KIF11: variants seen among roughly 807,000 people sequenced by gnomAD.
KIF11 encodes the protein kinesin family member 11, also known as kinesin-like protein KIF11.
In KIF11, 9 loss-of-function variants were observed where a neutral mutation model predicts 121.0. The observed-to-expected ratio is 0.07, with a 90% CI of 0.04 to 0.13. KIF11 has a LOEUF of 0.13. Among genes scored for constraint, KIF11 ranks in the 10% least tolerant of loss-of-function variants. The pLI is 1.00. For synonymous variants in KIF11, 408 were observed against 421.0 expected, an observed-to-expected ratio of 0.97 and a Z score of 0.38; for missense variants, 846 against 1,217.5, an observed-to-expected ratio of 0.69 and a Z score of 4.54.
intron 10 of KIF11, among the ~76,000 whole-genome samples, chr10:92,626,180 G>A (rs1844674591): frequency 6.6e-6 from 1 of 152,070 alleles, no homozygotes; most frequent in Non-Finnish European, 1.5e-5. Flanking sequence ...TATACTACAG[G>A]GCTACAGTAA....
At chr10:92,649,766 T>C (rs1226714704) in intron 19 of KIF11, 69 bp from the exon 20 acceptor site, 13 of 1,063,818 alleles carry the variant, frequency 1.2e-5, no homozygotes, top group Non-Finnish European at 1.8e-5. Context: ...ATTAGGAAGT[T>C]TTAGGTTTTT....
At chr10:92,606,838 C>T (rs947575512) in intron 3 of KIF11, 122 bp downstream of exon 3, 14 of 695,208 alleles carry the variant, frequency 2.0e-5, no homozygotes, top group African/African-American at 1.4e-4. Context: ...AGTGCAATGG[C>T]GCGATCTCGG....
intron 9 of KIF11, among the ~76,000 whole-genome samples, chr10:92,620,494 CTAGATT>C (rs1006460491): frequency 2.6e-4 from 39 of 152,222 alleles, no homozygotes; most frequent in Middle Eastern, 3.4e-3. Flanking sequence ...TTATAAACTC[CTAGATT>C]TAAACTATTT....
chr10:92,635,929 C>A (rs1317191284), intron 14 of KIF11, among the ~76,000 whole-genome samples: 1 of 152,174 alleles, frequency 6.6e-6, no homozygotes, highest in East Asian at 1.9e-4. Flanking sequence ...TGTCAGTAGA[C>A]CTATAAGTAT....
At chr10:92,627,041 C>T (rs1267043681) in intron 10 of KIF11, among the ~76,000 whole-genome samples, 2 of 152,162 alleles carry the variant, frequency 1.3e-5, no homozygotes, top group Non-Finnish European at 2.9e-5. Flanking sequence ...GGATTACAGG[C>T]GTGAGCCACC....
At chr10:92,648,108 C>CAAAAAAAAAAAAAAAAAAAAAAA (rs34357393) in intron 18 of KIF11, 104 bp from the exon 19 acceptor site, 26 of 685,470 alleles carry the variant, frequency 3.8e-5, no homozygotes, top group African/African-American at 3.5e-4. Context: ...GACTTGTCTC[C>CAAAAAAAAAAAAAAAAAAAAAAA]AAAAAAAAAA....
At chr10:92,628,624 ATTTGTTC>A (rs1444230848) in intron 10 of KIF11, among the ~76,000 whole-genome samples, 177 bp from the exon 11 acceptor site, 1 of 152,204 alleles carries the variant, frequency 6.6e-6, no homozygotes, top group African/African-American at 2.4e-5. Flanking sequence ...AAGGAATATA[ATTTGTTC>A]TTTGTAATTT....
At position 92,648,342 on chromosome 10, in the gene KIF11, C is replaced by A. The variant is rs1473843928; in HGVS notation, c.2678C>A (p.Ala893Glu). Residue 893 changes from alanine to glutamate, a missense_variant, in exon 19 of 22, where the codon GCA (alanine) becomes GAA (glutamate). Transcript: ENST00000260731. ...QMTIDEDKLI[A>E]QNLELNETIK... is the part of the protein sequence containing the mutation. ...ACTATTGATGAAGATAAATTGATAG[C>A]ACAAAATCTAGAACTTAATGAAACC... 6.2e-7 allele frequency: 1 copy of A among 1,612,186 alleles called. No individual in the cohort carries two copies. Among genetic ancestry groups the A allele is most frequent in the Admixed American group, 1.7e-5 (1 of 59,950 alleles).
intron 1 of KIF11, among the ~76,000 whole-genome samples, chr10:92,604,714 C>T (rs79138869): frequency 0.013 from 1,982 of 152,088 alleles, 47 homozygotes; most frequent in African/African-American, 0.044. Context: ...AAATAATTTC[C>T]TGTTTGGCAC....
Position 92,654,154 on chromosome 10 carries a change from A to G in KIF11, c.*358A>G. On this transcript the variant is annotated 3_prime_UTR_variant, in exon 22 of 22. Transcript: ENST00000260731. ...TACACCACTACACTCCAGCCTGGGCAACAGAGCAAGACTCGGTCTCAAAAA... is the reference window on the plus strand; with the variant it reads ...TACACCACTACACTCCAGCCTGGGCGACAGAGCAAGACTCGGTCTCAAAAA... The G allele has an allele frequency of 6.0e-6, 1 of 166,098 alleles. No individual in the cohort carries two copies. Among genetic ancestry groups the G allele is most frequent in the South Asian group, 1.6e-4 (1 of 6,134 alleles). The allele number at this position is 166,098 out of a possible 1,614,324, so 10.3% of individuals were successfully genotyped here. A position where few individuals can be genotyped will look rare whatever the true frequency, so the allele number is the denominator to read the frequency against.
In KIF11 at chr10:92,607,205, A is replaced by G; in HGVS notation, c.355A>G (p.Arg119Gly). 6.2e-7 allele frequency: 1 copy of G among 1,607,354 alleles called. No homozygotes were observed. The highest frequency in any genetic ancestry group is 8.5e-7 in the Non-Finnish European group (1 of 1,174,480). The change falls in exon 4 of 22, where the codon AGG becomes GGG. Residue 119 changes from arginine (R) to glycine (G), a missense_variant. This residue lies in a region of KIF11 where 140 missense variants were observed against 193.5 expected (regional missense o/e 0.72). Coordinates refer to ENST00000260731, the MANE Select transcript of KIF11 (RefSeq NM_004523.4). ...AAAAACTTTTACAATGGAAGGTGAAAGGTCACCTAATGAAGAGTATACCTG... is the reference window on the plus strand; with the variant it reads ...AAAAACTTTTACAATGGAAGGTGAAGGGTCACCTAATGAAGAGTATACCTG... ...TGKTFTMEGERSPNEEYTWEE... is the reference protein window; with the variant it reads ...TGKTFTMEGEGSPNEEYTWEE...
chr10:92,651,541 T>G (rs1352085060), intron 21 of KIF11, among the ~76,000 whole-genome samples: 7 of 98,232 alleles, frequency 7.1e-5, no homozygotes, highest in Non-Finnish European at 1.2e-4. Context: ...TTTTTTTTTT[T>G]TTTTTTTAGT....
chr10:92,623,702 G>T (rs1277730282), intron 10 of KIF11, among the ~76,000 whole-genome samples: 2 of 152,150 alleles, frequency 1.3e-5, no homozygotes, highest in Non-Finnish European at 2.9e-5. Flanking sequence ...ACTAATGGAG[G>T]TGTTCTTTTT....
chr10:92,609,293 AGAGAGAGAGAGTGTGTGTGTGT>A (rs1449020572), intron 5 of KIF11, 70 bp from the exon 6 acceptor site: 5 of 1,169,000 alleles, frequency 4.3e-6, no homozygotes, highest in African/African-American at 2.2e-5. Flanking sequence ...AGAGAGAGAG[AGAGAGAGAGAGTGTGTGTGTGT>A]GTGTGTGTGT....
chr10:92,620,541 C>T lies in KIF11; in HGVS notation c.1129-844C>T, dbSNP rs746461289. ...AACCCATTGTAGTTGTTCTCCTCACCGATGCTCAGATTGGCTCATCTTAGG... is the reference window on the plus strand; with the variant it reads ...AACCCATTGTAGTTGTTCTCCTCACTGATGCTCAGATTGGCTCATCTTAGG... On this transcript the variant is annotated intron_variant, in intron 9 of 21. Transcript: ENST00000260731. Among the ~76,000 whole-genome samples the T allele has an allele frequency of 8.5e-5, 13 of 152,106 alleles. No individual in the cohort carries two copies. In the South Asian group the frequency reaches 1.0e-3, roughly 12 times the overall value.
chr10:92,652,386 C>T (rs1308873528), intron 21 of KIF11, among the ~76,000 whole-genome samples: 3 of 151,982 alleles, frequency 2.0e-5, no homozygotes, highest in South Asian at 2.1e-4. Context: ...GTGATCCGCC[C>T]GCCTCGGCCT....
Position 92,628,878 on chromosome 10 carries a change from G to A in KIF11, c.1288G>A (p.Glu430Lys), listed in dbSNP as rs767891884. The change falls in exon 11 of 22, where the codon GAG becomes AAG. Residue 430 changes from glutamate (E) to lysine (K), a missense_variant. Transcript: ENST00000260731. Reference protein sequence around the residue: ...VELIEKIGAVEEELNRVTELF... With the variant: ...VELIEKIGAVKEELNRVTELF... ...ATTGATTGAAAAAATTGGTGCTGTTGAGGAGGAGCTGAATAGGGTAAGCAC... is the reference window on the plus strand; with the variant it reads ...ATTGATTGAAAAAATTGGTGCTGTTAAGGAGGAGCTGAATAGGGTAAGCAC... 6.3e-7 allele frequency: 1 copy of A among 1,588,008 alleles called. No homozygotes were observed. Among genetic ancestry groups the A allele is most frequent in the African/African-American group, 1.3e-5 (1 of 74,534 alleles).
intron 1 of KIF11, among the ~76,000 whole-genome samples, chr10:92,599,524 CAAAAAAA>C (rs377476272): frequency 1.7e-4 from 16 of 92,420 alleles, no homozygotes; most frequent in South Asian, 8.0e-4. Flanking sequence ...GACTCTGTCT[CAAAAAAA>C]AAAAAAAAGA....
At chr10:92,652,955 A>G (rs1012570746) in intron 21 of KIF11, among the ~76,000 whole-genome samples, 1 of 152,240 alleles carries the variant, frequency 6.6e-6, no homozygotes, top group Non-Finnish European at 1.5e-5. Context: ...TGAGTGTACA[A>G]TGAATGTCAC....
Sources: gnomAD v4.1 joint callset for allele counts (sites outside exome capture counted in the v4.1 genomes callset) on GRCh38, gnomAD v4.1.1 for gene constraint, gnomAD v4.1.1 regional missense constraint, MANE v1.5 for transcripts, NCBI Gene and HGNC (gene_info 2026-07-23, HGNC 2026-07-21) for gene names.